Variants in SLMAP observed in about 807,000 individuals in gnomAD.
The protein encoded by SLMAP is sarcolemmal membrane-associated protein.
SLMAP carries 44 observed loss-of-function variants against 128.8 expected under a neutral mutation model. The ratio of observed to expected loss-of-function variants is 0.34; its 90% CI spans 0.27 to 0.44. SLMAP has a LOEUF of 0.44. Ranked by LOEUF, SLMAP falls within the 20% of genes least tolerant of loss-of-function variation. The pLI is 1.00. For synonymous variants in SLMAP, 327 were observed against 348.8 expected (o/e 0.94, Z 0.70); for missense variants, 787 against 985.3 (o/e 0.80, Z 2.69).
intron 4 of SLMAP, among the ~76,000 whole-genome samples, chr3:57,844,003 C>T (rs2153568820): frequency 6.6e-6 from 1 of 151,858 alleles, no homozygotes; most frequent in South Asian, 2.1e-4. Context: ...CTACCTCAAA[C>T]TCCTGACCTC....
At chr3:57,885,793 T>TTC (rs2095869514) in intron 14 of SLMAP, among the ~76,000 whole-genome samples, 2 of 90,452 alleles carry the variant, frequency 2.2e-5, no homozygotes, top group Non-Finnish European at 4.8e-5. Flanking sequence ...TTTTTTTTTT[T>TTC]TTTTTTTTGA....
chr3:57,926,013 A>T, intron 24 of SLMAP, 79 bp downstream of exon 24: 1 of 971,576 alleles, frequency 1.0e-6, no homozygotes, highest in Non-Finnish European at 1.6e-6. Flanking sequence ...AGTGCATGGC[A>T]AGAACACACA....
At chr3:57,892,811 T>G (rs569635604) in intron 15 of SLMAP, among the ~76,000 whole-genome samples, 1 of 123,098 alleles carries the variant, frequency 8.1e-6, no homozygotes, top group Non-Finnish European at 1.8e-5. Flanking sequence ...CACACACACA[T>G]ACACACACAA....
intron 8 of SLMAP, 58 bp downstream of exon 8, chr3:57,858,217 T>C (rs2094883495): frequency 1.1e-6 from 1 of 936,478 alleles, no homozygotes; most frequent in South Asian, 1.3e-5. Context: ...GTAACATCAT[T>C]TCTTTGACTA....
At chr3:57,908,771 A>G (rs1370484704) in intron 18 of SLMAP, among the ~76,000 whole-genome samples, 1 of 152,232 alleles carries the variant, frequency 6.6e-6, no homozygotes, top group Non-Finnish European at 1.5e-5. Context: ...TTAAAAAATT[A>G]AGTTCAAAAT....
intron 5 of SLMAP, among the ~76,000 whole-genome samples, chr3:57,848,267 C>T (rs908295293): frequency 6.6e-6 from 1 of 150,544 alleles, no homozygotes; most frequent in Non-Finnish European, 1.5e-5. Flanking sequence ...CCTCCTCCTC[C>T]TCTTACTCCA....
chr3:57,868,333 C>T (rs1339288577), intron 13 of SLMAP, among the ~76,000 whole-genome samples: 1 of 152,018 alleles, frequency 6.6e-6, no homozygotes, highest in African/African-American at 2.4e-5. Flanking sequence ...GTAGCTTGCT[C>T]CTGTAATCCC....
intron 14 of SLMAP, among the ~76,000 whole-genome samples, chr3:57,887,892 C>T (rs1343637677): frequency 6.6e-6 from 1 of 152,164 alleles, no homozygotes; most frequent in Non-Finnish European, 1.5e-5. Flanking sequence ...GTATTAGACT[C>T]ACCTTCTGGT....
In SLMAP at chr3:57,845,265, TC is replaced by T. The variant is rs549446974; in HGVS notation, c.420-1930del. ...CATATACAGGTGAATAGGTCATAGT[TC>T]CTGAGAACACAGATGTATAATCAAA... On this transcript the variant is annotated intron_variant, in intron 4 of 24. Coordinates refer to ENST00000671191, the MANE Select transcript of SLMAP (RefSeq NM_001377540.1). Among the ~76,000 whole-genome samples, 18 of 152,318 alleles carry T rather than the reference TC, an allele frequency of 1.2e-4. No homozygotes were observed. In the East Asian group the frequency reaches 2.9e-3, roughly 24 times the overall value.
intron 2 of SLMAP, among the ~76,000 whole-genome samples, chr3:57,795,213 A>G (rs1266380731): frequency 3.3e-5 from 5 of 152,234 alleles, no homozygotes; most frequent in African/African-American, 1.2e-4. Flanking sequence ...ATTTGTATGT[A>G]TCTTTTTTGG....
intron 15 of SLMAP, among the ~76,000 whole-genome samples, chr3:57,895,943 C>CAA (rs572722491): frequency 7.8e-4 from 88 of 112,568 alleles, no homozygotes; most frequent in African/African-American, 1.7e-3. Flanking sequence ...GACGCTGTCT[C>CAA]AAAAAAAAAA....
intron 2 of SLMAP, among the ~76,000 whole-genome samples, chr3:57,817,248 A>C (rs192206829): frequency 1.2e-4 from 18 of 152,352 alleles, no homozygotes; most frequent in Admixed American, 3.9e-4. Flanking sequence ...TTACTGAATC[A>C]GAAATCATAG....
chr3:57,885,387 TG>T (rs1483609934), intron 14 of SLMAP, among the ~76,000 whole-genome samples: 2 of 147,890 alleles, frequency 1.4e-5, no homozygotes, highest in African/African-American at 5.0e-5. Flanking sequence ...TTGTTGTTGT[TG>T]TTGTTTTGTT....
intron 2 of SLMAP, among the ~76,000 whole-genome samples, chr3:57,820,385 GCT>G (rs1050779101): frequency 3.9e-5 from 6 of 152,058 alleles, no homozygotes; most frequent in African/African-American, 1.4e-4. Context: ...ACAAACAGCT[GCT>G]TTTTTGCTGT....
intron 14 of SLMAP, among the ~76,000 whole-genome samples, chr3:57,876,365 C>G (rs1455951870): frequency 6.6e-6 from 1 of 152,146 alleles, no homozygotes; most frequent in Admixed American, 6.5e-5. Flanking sequence ...AAAAACTTCT[C>G]TTTTCTAAGA....
chr3:57,925,845 C>G lies in SLMAP; in HGVS notation c.2446C>G (p.Pro816Ala), dbSNP rs2153711586. 2 of 1,549,276 alleles carry G rather than the reference C, an allele frequency of 1.3e-6. No homozygotes were observed. Among genetic ancestry groups the G allele is most frequent in the East Asian group, 4.9e-5 (2 of 40,922 alleles). The change falls in exon 24 of 25, where the codon CCT becomes GCT. Residue 816 changes from proline to alanine, a missense_variant and splice_region_variant. By Grantham distance (27) the Pro-to-Ala change is conservative. This residue lies in a region of SLMAP where 715 missense variants were observed against 843.6 expected (regional missense o/e 0.85). Transcript: ENST00000671191. ...LKLLREKGNN[P>A]SILQPVPAVF... Reference sequence around the variant, plus strand: ...TTTTAATATGCCTTCCCTTCTTTAGCCTTCCATATTACAACCCGTCCCAGC... The same window carrying G: ...TTTTAATATGCCTTCCCTTCTTTAGGCTTCCATATTACAACCCGTCCCAGC...
chr3:57,855,726 C>CAAAAAAAAAAAAAAAAAAAAAAAA (rs554021712), intron 6 of SLMAP, among the ~76,000 whole-genome samples: 1 of 130,342 alleles, frequency 7.7e-6, no homozygotes. Flanking sequence ...AAAAAAAAAA[C>CAAAAAAAAAAAAAAAAAAAAAAAA]AAAAAAAAAA....
intron 2 of SLMAP, among the ~76,000 whole-genome samples, chr3:57,795,843 A>C (rs2086617723): frequency 6.6e-6 from 1 of 151,660 alleles, no homozygotes. Context: ...CCCCTCCCCC[A>C]GCCTCTAGTA....
chr3:57,770,581 A>G (rs755752001), intron 2 of SLMAP, among the ~76,000 whole-genome samples: 2 of 152,202 alleles, frequency 1.3e-5, no homozygotes, highest in Non-Finnish European at 2.9e-5. Flanking sequence ...GTGTAGTCAA[A>G]GATTTTGGAG....
Sources: gnomAD v4.1 joint callset for allele counts (sites outside exome capture counted in the v4.1 genomes callset) on GRCh38, gnomAD v4.1.1 for gene constraint, gnomAD v4.1.1 regional missense constraint, MANE v1.5 for transcripts, NCBI Gene and HGNC (gene_info 2026-07-23, HGNC 2026-07-21) for gene names.